The following EPSTI1 variants were observed in gnomAD, a reference collection of about 807,000 sequenced individuals.
EPSTI1 encodes epithelial stromal interaction 1.
In EPSTI1, 66 loss-of-function variants were observed where a neutral mutation model predicts 49.9. That is an observed-to-expected ratio of 1.32 (90% CI 1.08 to 1.62). EPSTI1 has a LOEUF of 1.62. Ranked by LOEUF, EPSTI1 falls within the 40% of genes most tolerant of loss-of-function variation. The probability of loss-of-function intolerance (pLI) is 0.00; values close to 1 mark genes in which losing one functional copy is unlikely to be tolerated. For synonymous variants in EPSTI1, 137 were observed against 130.7 expected, an observed-to-expected ratio of 1.05 and a Z score of -0.33; for missense variants, 394 against 365.5, an observed-to-expected ratio of 1.08 and a Z score of -0.64.
At chr13:42,952,607 C>T (rs2039134770) in intron 6 of EPSTI1, among the ~76,000 whole-genome samples, 1 of 152,214 alleles carries the variant, frequency 6.6e-6, no homozygotes, top group Non-Finnish European at 1.5e-5. Context: ...GCTCCTCACT[C>T]AAATGCCTTC....
rs148766321 is a variant in EPSTI1 at position 42,925,503 on chromosome 13, G to A, written c.657+833C>T. On this transcript the variant is annotated intron_variant, in intron 7 of 10. Coordinates refer to ENST00000313624, the MANE Select transcript of EPSTI1 (RefSeq NM_033255.5). ...TGGCGCTACTGGCCCTTCATGCCCA[G>A]GGCCTAGGGATACTAAGCATCCTGC... 7.2e-5 allele frequency among the ~76,000 whole-genome samples: 11 copies of A among 152,230 alleles called. No homozygotes were observed. In the East Asian group the frequency reaches 2.1e-3, roughly 29 times the overall value.
At position 42,888,341 on chromosome 13, in the gene EPSTI1, A is replaced by G; in HGVS notation, c.*153T>C. 6.2e-7 allele frequency: 1 copy of G among 1,614,196 alleles called. No individual in the cohort carries two copies. Among genetic ancestry groups the G allele is most frequent in the Non-Finnish European group, 8.5e-7 (1 of 1,180,010 alleles). On this transcript the variant is annotated 3_prime_UTR_variant, in exon 11 of 11. Transcript: ENST00000313624. ...CAAACATGCATAAATGAGGACAAGG[A>G]GAAGCCAGTCACTCCTGACTGCACG... is the stretch of plus-strand genomic sequence containing the variant.
intron 1 of EPSTI1, among the ~76,000 whole-genome samples, chr13:42,989,567 CTTTT>C: frequency 2.5e-5 from 2 of 79,020 alleles, no homozygotes; most frequent in Non-Finnish European, 5.0e-5. Context: ...CCTCTTTTTT[CTTTT>C]TTTTTTTTTT....
chr13:42,912,167 G>A (rs970803602), intron 8 of EPSTI1, among the ~76,000 whole-genome samples: 4 of 152,242 alleles, frequency 2.6e-5, no homozygotes, highest in African/African-American at 9.6e-5. Context: ...CTGAAAGAGA[G>A]AAAGGAGACA....
rs1306292678 is a variant in EPSTI1, at chr13:42,941,486, T to C, written c.563+12462A>G. On this transcript the variant is annotated intron_variant, in intron 6 of 10. Coordinates refer to ENST00000313624, the MANE Select transcript of EPSTI1 (RefSeq NM_033255.5). ...TAATTAAAAAATTAGCTGGGCCTAG[T>C]GGTGCACACGTGTAGTCCCCCTACG... Among the ~76,000 whole-genome samples the C allele has an allele frequency of 2.0e-5, 3 of 151,906 alleles. No individual in the cohort carries two copies. In the East Asian group the frequency reaches 5.8e-4, roughly 29 times the overall value.
chr13:42,919,571 C>G (rs1566117046), intron 7 of EPSTI1, among the ~76,000 whole-genome samples: 1 of 152,236 alleles, frequency 6.6e-6, no homozygotes, highest in Non-Finnish European at 1.5e-5. Flanking sequence ...TGTGCAAGCA[C>G]TGTGTCAGGA....
At chr13:42,956,583 A>G (rs1473903958) in intron 5 of EPSTI1, among the ~76,000 whole-genome samples, 1 of 152,184 alleles carries the variant, frequency 6.6e-6, no homozygotes, top group Non-Finnish European at 1.5e-5. Context: ...GCTTTAGCGC[A>G]GAGGAGGTGT....
At chr13:42,962,262 T>G (rs73470177) in intron 5 of EPSTI1, among the ~76,000 whole-genome samples, 3,529 of 152,258 alleles carry the variant, frequency 0.023, 140 homozygotes, top group African/African-American at 0.081. Flanking sequence ...AAATGCAGAT[T>G]CTGATTCGGT....
intron 4 of EPSTI1, 58 bp downstream of exon 4, chr13:42,964,008 G>A (rs1334913991): frequency 2.8e-6 from 4 of 1,417,914 alleles, no homozygotes; most frequent in African/African-American, 1.4e-5. Context: ...ACAGTTACTT[G>A]TAAGAGCTGG....
At chr13:42,959,682 T>C (rs1023734917) in intron 5 of EPSTI1, among the ~76,000 whole-genome samples, 1 of 152,234 alleles carries the variant, frequency 6.6e-6, no homozygotes, top group African/African-American at 2.4e-5. Flanking sequence ...TTCAAATGAC[T>C]TTCACAGCCA....
At chr13:42,956,561 C>T (rs1407686587) in intron 5 of EPSTI1, among the ~76,000 whole-genome samples, 1 of 152,256 alleles carries the variant, frequency 6.6e-6, no homozygotes, top group African/African-American at 2.4e-5. Context: ...ATTTGTACTG[C>T]AGCTTGTGGC....
intron 3 of EPSTI1, 127 bp downstream of exon 3, chr13:42,968,967 C>CACA: frequency 1.2e-6 from 1 of 819,324 alleles, no homozygotes; most frequent in Non-Finnish European, 2.0e-6. Context: ...TAAATGCATT[C>CACA]CACCCAAGCA....
At chr13:42,889,586 T>TATCA (rs1427072183) in intron 10 of EPSTI1, among the ~76,000 whole-genome samples, 1 of 152,238 alleles carries the variant, frequency 6.6e-6, no homozygotes, top group Non-Finnish European at 1.5e-5. Context: ...AGTCCTCATC[T>TATCA]ATCAGTCTTT....
chr13:42,890,300 T>TC (rs534485822), intron 10 of EPSTI1, among the ~76,000 whole-genome samples: 119 of 136,636 alleles, frequency 8.7e-4, no homozygotes, highest in East Asian at 8.7e-4. Context: ...TCTTTTCTTT[T>TC]TTTTTTTTTT....
chr13:42,965,058 C>T (rs1000196283), intron 3 of EPSTI1, among the ~76,000 whole-genome samples: 9 of 152,058 alleles, frequency 5.9e-5, no homozygotes, highest in Admixed American at 3.3e-4. Flanking sequence ...ATATATAAGG[C>T]CTGTTTGGTG....
chr13:42,954,695 T>C lies in EPSTI1; in HGVS notation c.490-674A>G, dbSNP rs1256779525. ...TAACCCAGGAATGTTTGCTTTTTGC[T>C]CACCATGACACACTGTCATTTTTTA... On this transcript the variant is annotated intron_variant, in intron 5 of 10. Coordinates refer to ENST00000313624, the MANE Select transcript of EPSTI1 (RefSeq NM_033255.5). 5.9e-5 allele frequency among the ~76,000 whole-genome samples: 9 copies of C among 152,366 alleles called. No homozygotes were observed. The East Asian group carries it at 1.7e-3, about 29-fold the overall frequency.
chr13:42,956,204 C>A (rs549567002), intron 5 of EPSTI1, among the ~76,000 whole-genome samples: 26 of 152,294 alleles, frequency 1.7e-4, no homozygotes, highest in Admixed American at 6.5e-4. Flanking sequence ...ATGTTAGACT[C>A]CATCCTGAGC....
intron 1 of EPSTI1, among the ~76,000 whole-genome samples, chr13:42,980,065 A>T (rs2039960449): frequency 6.6e-6 from 1 of 151,962 alleles, no homozygotes; most frequent in South Asian, 2.1e-4. Context: ...AACTTTTCTT[A>T]TAGAATGCTT....
intron 6 of EPSTI1, among the ~76,000 whole-genome samples, chr13:42,928,396 C>T (rs1347953610): frequency 6.6e-6 from 1 of 152,124 alleles, no homozygotes; most frequent in South Asian, 2.1e-4. Flanking sequence ...AAAACATCCT[C>T]GTGGGAAGTC....
Sources: allele counts gnomAD v4.1 joint callset (sites outside exome capture counted in the v4.1 genomes callset), GRCh38; gene constraint gnomAD v4.1.1; transcripts MANE v1.5; gene names NCBI Gene and HGNC (gene_info 2026-07-23, HGNC 2026-07-21).